UPF3A: variants seen among roughly 807,000 people sequenced by gnomAD.
UPF3A encodes the protein regulator of nonsense transcripts 3A.
UPF3A carries 42 observed loss-of-function variants against 53.5 expected under a neutral mutation model. The ratio of observed to expected loss-of-function variants is 0.78; its 90% CI spans 0.61 to 1.01. The LOEUF is 1.01. Ranked by LOEUF, UPF3A falls within the 50% of genes least tolerant of loss-of-function variation. The probability of loss-of-function intolerance (pLI) is 0.00; values close to 1 mark genes in which losing one functional copy is unlikely to be tolerated. For synonymous variants in UPF3A, 237 were observed against 225.3 expected, an observed-to-expected ratio of 1.05 and a Z score of -0.47; for missense variants, 575 against 598.0, an observed-to-expected ratio of 0.96 and a Z score of 0.40.
chr13:114,290,734 C>CTTTTTTTTTTTTT (rs112441605), intron 5 of UPF3A, among the ~76,000 whole-genome samples: 2 of 138,420 alleles, frequency 1.4e-5, no homozygotes, highest in African/African-American at 5.3e-5. Flanking sequence ...TCTTTTTTTT[C>CTTTTTTTTTTTTT]TTTTTTTTTT....
intron 9 of UPF3A, 21 bp from the exon 10 acceptor site, chr13:114,304,768 C>T: frequency 6.2e-7 from 1 of 1,612,204 alleles, no homozygotes; most frequent in East Asian, 2.2e-5. Context: ...GGAAGAGTAA[C>T]ATGCCCTCTT....
intron 8 of UPF3A, 31 bp downstream of exon 8, chr13:114,299,031 C>T (rs765321568): frequency 1.3e-6 from 2 of 1,554,648 alleles, no homozygotes; most frequent in Middle Eastern, 1.7e-4. Flanking sequence ...ATGACCACGT[C>T]AGCTCCCAGT....
chr13:114,282,999 A>G lies in UPF3A; in HGVS notation c.421+56A>G, dbSNP rs746961453. On this transcript the variant is annotated intron_variant, in intron 3 of 9. Transcript: ENST00000375299. ...TAATCTGTAGGTATACTAATGAAGT[A>G]TTGCTAGAATATTCGTGCTTTTTAA... The G allele has an allele frequency of 1.7e-5, 21 of 1,244,222 alleles. No individual in the cohort carries two copies. In the South Asian group the frequency reaches 2.5e-4, roughly 15 times the overall value. The allele number at this position is 1,244,222 out of a possible 1,614,324, so 77.1% of individuals were successfully genotyped here. A position where few individuals can be genotyped will look rare whatever the true frequency, so the allele number is the denominator to read the frequency against.
chr13:114,284,689 ACT>A (rs1237849193), intron 3 of UPF3A, among the ~76,000 whole-genome samples: 4 of 150,166 alleles, frequency 2.7e-5, no homozygotes, highest in African/African-American at 9.8e-5. Flanking sequence ...ACAGAGTGAG[ACT>A]CTGTCTCAAA....
At chr13:114,301,595 G>T in intron 8 of UPF3A, 136 bp from the exon 9 acceptor site, 3 of 715,322 alleles carry the variant, frequency 4.2e-6, no homozygotes, top group Non-Finnish European at 4.6e-6. Flanking sequence ...TGTGCCCATC[G>T]CAGTGCAGCC....
At chr13:114,299,788 T>A (rs1252714083) in intron 8 of UPF3A, among the ~76,000 whole-genome samples, 1 of 152,200 alleles carries the variant, frequency 6.6e-6, no homozygotes, top group East Asian at 1.9e-4. Context: ...ACTCACTGCC[T>A]CTCGCCACCC....
intron 5 of UPF3A, 57 bp downstream of exon 5, chr13:114,286,686 A>ATACG: frequency 7.1e-7 from 1 of 1,407,156 alleles, no homozygotes; most frequent in South Asian, 1.3e-5. Context: ...CGTAGAGGAT[A>ATACG]TACGTTTTTT....
chr13:114,304,943 G>C lies in UPF3A; in HGVS notation c.*26G>C, dbSNP rs114499869. 10 of 1,603,798 alleles carry C rather than the reference G, an allele frequency of 6.2e-6. No individual in the cohort carries two copies. The Admixed American group carries it at 1.7e-4, about 28-fold the overall frequency. On this transcript the variant is annotated 3_prime_UTR_variant, in exon 10 of 10. Transcript: ENST00000375299. ...GTCACTGCACGCACCTGGCCTCCAT[G>C]GACGAGCAAGGGCATCCCAGAAACG...
chr13:114,300,837 C>CCATGCTAAGGTACTTTTTATACATATTTT (rs2086538760), intron 8 of UPF3A, among the ~76,000 whole-genome samples: 1 of 151,356 alleles, frequency 6.6e-6, no homozygotes, highest in African/African-American at 2.4e-5. Flanking sequence ...CTGTGCCTGG[C>CCATGCTAAGGTACTTTTTATACATATTTT]CTAATTTTTG....
chr13:114,282,518 C>G, intron 2 of UPF3A: 1 of 985,444 alleles, frequency 1.0e-6, no homozygotes, highest in African/African-American at 1.7e-5. Flanking sequence ...GTTTTAAATA[C>G]CGGAGAAGGT....
chr13:114,291,624 A>G lies in UPF3A; in HGVS notation c.688-10A>G. 6.2e-7 allele frequency: 1 copy of G among 1,605,220 alleles called. No individual in the cohort carries two copies. Among genetic ancestry groups the G allele is most frequent in the Non-Finnish European group, 8.5e-7 (1 of 1,177,970 alleles). ...AGGCAGTTTATACACACGCTCTTCC[A>G]TGTCTTTAGAGAATTCGAGAAGAGA... is the stretch of plus-strand genomic sequence containing the variant. On this transcript the variant is annotated splice_polypyrimidine_tract_variant and intron_variant, in intron 6 of 9. Coordinates refer to ENST00000375299, the MANE Select transcript of UPF3A (RefSeq NM_023011.4).
chr13:114,283,817 G>C (rs538134033), intron 3 of UPF3A: 1 of 985,362 alleles, frequency 1.0e-6, no homozygotes, highest in African/African-American at 1.7e-5. Flanking sequence ...TGGCTGTCAA[G>C]TTTGTATACC....
intron 7 of UPF3A, 69 bp from the exon 8 acceptor site, chr13:114,298,771 T>A: frequency 2.2e-6 from 3 of 1,345,972 alleles, no homozygotes; most frequent in African/African-American, 1.5e-5. Flanking sequence ...TATTTGTAAT[T>A]ATTTATTTAA....
rs75723002 is a variant in UPF3A at position 114,284,049 on chromosome 13, G to C, written c.421+1106G>C. 5,258 of 985,282 alleles carry C rather than the reference G, an allele frequency of 5.3e-3. 222 individuals carry two copies. The African/African-American group carries it at 0.086, about 16-fold the overall frequency. 61.0% of individuals were successfully genotyped at this position (985,282 alleles called of 1,614,324 possible). On this transcript the variant is annotated intron_variant, in intron 3 of 9. Coordinates refer to ENST00000375299, the MANE Select transcript of UPF3A (RefSeq NM_023011.4). ...TTGCTCATTTATTCAGTAACTTACT[G>C]AGTTTCCCTTTTTCACTTAAAAAAT...
intron 9 of UPF3A, among the ~76,000 whole-genome samples, chr13:114,304,440 C>T (rs369420319): frequency 5.3e-5 from 8 of 152,324 alleles, no homozygotes; most frequent in African/African-American, 1.9e-4. Context: ...TTACTACTCA[C>T]GTTAATAAGT....
intron 4 of UPF3A, 21 bp downstream of exon 4, chr13:114,286,421 A>G (rs1049755645): frequency 6.2e-7 from 1 of 1,613,094 alleles, no homozygotes; most frequent in African/African-American, 1.3e-5. Flanking sequence ...TCCAAGTGCT[A>G]CGTTATGAAG....
intron 3 of UPF3A, chr13:114,283,790 G>A (rs1486156279): frequency 1.0e-6 from 1 of 985,602 alleles, no homozygotes; most frequent in Non-Finnish European, 1.2e-6. Context: ...CTGTCAGGCT[G>A]TCTGCTGTTG....
intron 7 of UPF3A, 130 bp downstream of exon 7, chr13:114,291,922 T>C: frequency 8.4e-7 from 1 of 1,186,740 alleles, no homozygotes; most frequent in Middle Eastern, 3.0e-4. Context: ...GTTATTTTTT[T>C]CCATCTTTTC....
At chr13:114,292,421 CAT>C (rs1566747805) in intron 7 of UPF3A, among the ~76,000 whole-genome samples, 2 of 147,090 alleles carry the variant, frequency 1.4e-5, no homozygotes, top group African/African-American at 2.5e-5. Flanking sequence ...AGGTGTGCCA[CAT>C]GTTCATTTTC....
Sources: allele counts gnomAD v4.1 joint callset (sites outside exome capture counted in the v4.1 genomes callset), GRCh38; gene constraint gnomAD v4.1.1; transcripts MANE v1.5; gene names NCBI Gene and HGNC (gene_info 2026-07-23, HGNC 2026-07-21).